The following GALNT5 variants were observed in gnomAD, a reference collection of about 807,000 sequenced individuals.
GALNT5 encodes the protein UDP-GalNAc:polypeptide N-acetylgalactosaminyltransferase 5.
A neutral mutation model predicts 85.4 loss-of-function variants in GALNT5; 72 were observed. The observed-to-expected ratio is 0.84, with a 90% CI of 0.70 to 1.03. The LOEUF is 1.03. Among genes scored for constraint, GALNT5 ranks in the 50% least tolerant of loss-of-function variants. The pLI is 0.00. For missense variants in GALNT5, 1,137 were observed against 1,135.5 expected (o/e 1.00, Z -0.02); for synonymous variants, 404 against 397.0 (o/e 1.02, Z -0.21).
At chr2:157,298,484 A>C (rs570330426) in intron 5 of GALNT5, among the ~76,000 whole-genome samples, 1 of 152,284 alleles carries the variant, frequency 6.6e-6, no homozygotes, top group Non-Finnish European at 1.5e-5. Context: ...AATTCACCGC[A>C]GCCTTTCATT....
intron 1 of GALNT5, among the ~76,000 whole-genome samples, chr2:157,277,520 T>C (rs992551227): frequency 4.6e-5 from 7 of 152,240 alleles, no homozygotes; most frequent in African/African-American, 1.4e-4. Flanking sequence ...TGGGTGCATA[T>C]ATATTTAGGA....
rs753756817 is a variant in GALNT5 at position 157,301,009 on chromosome 2, A to G, written c.2439+10A>G. 2 of 1,589,720 alleles carry G rather than the reference A, an allele frequency of 1.3e-6. No individual in the cohort carries two copies. Among genetic ancestry groups the G allele is most frequent in the Non-Finnish European group, 1.7e-6 (2 of 1,163,858 alleles). The stretch of plus-strand genomic sequence containing the variant: ...GAGAGCTAGTGGTGTGGTAAGTTCA[A>G]GTGGCAATTTAAAATCTTACTCCAT... On this transcript the variant is annotated intron_variant, in intron 7 of 9. Coordinates refer to ENST00000259056, the MANE Select transcript of GALNT5 (RefSeq NM_014568.3).
rs1254112431 is a variant in GALNT5 at position 157,317,196 on chromosome 2, ATAT to A, written c.*5850_*5852del. ...TGTGTATATATATATATATATATAT[ATAT>A]TTTTTTTTTTGATGCTTTGATCTGG... On this transcript the variant is annotated 3_prime_UTR_variant, in exon 10 of 10. Transcript: ENST00000259056. Among the ~76,000 whole-genome samples the A allele has an allele frequency of 1.1e-4, 14 of 132,562 alleles. No individual in the cohort carries two copies. Among genetic ancestry groups the A allele is most frequent in the African/African-American group, 3.6e-4 (11 of 30,974 alleles). The allele number at this position is 132,562 out of a possible 152,430, so 87.0% of individuals were successfully genotyped here.
At position 157,273,873 on chromosome 2, in the gene GALNT5, G is replaced by A. The variant is rs183235333; in HGVS notation, c.1455-10409G>A. ...ATAATATACTTTAAACCTGCCCAAT[G>A]TGCAGGTTTGATACATAGGTATACA... On this transcript the variant is annotated intron_variant, in intron 1 of 9. Transcript: ENST00000259056. Among the ~76,000 whole-genome samples the A allele has an allele frequency of 3.5e-3, 529 of 151,824 alleles. 1 individual carries two copies. Among genetic ancestry groups the A allele is most frequent in the African/African-American group, 0.012 (492 of 41,366 alleles).
In GALNT5 at chr2:157,313,268, A is replaced by G. The variant is rs1683616241; in HGVS notation, c.*1920A>G. The G allele has an allele frequency of 6.6e-6, 1 of 152,212 alleles. No homozygotes were observed. Among genetic ancestry groups the G allele is most frequent in the South Asian group, 2.1e-4 (1 of 4,832 alleles). 9.4% of individuals were successfully genotyped at this position (152,212 alleles called of 1,614,324 possible). ...GATGTTACAATAGCCTACAGTGTTC[A>G]ATACAGTAACATGCACAAGTTTGTA... On this transcript the variant is annotated 3_prime_UTR_variant, in exon 10 of 10. Transcript: ENST00000259056.
chr2:157,258,241 G>A lies in GALNT5; in HGVS notation c.159G>A (p.Glu53=). 1 of 1,612,904 alleles carries A rather than the reference G, an allele frequency of 6.2e-7. No homozygotes were observed. Among genetic ancestry groups the A allele is most frequent in the Non-Finnish European group, 8.5e-7 (1 of 1,179,562 alleles). Residue 53 remains glutamate (E), a synonymous_variant, in exon 1 of 10, where the codon GAG becomes GAA. Transcript: ENST00000259056. ...RVIKEDIVRR[E]RIGFRVQPDQ... The stretch of plus-strand genomic sequence containing the variant: ...TCAAGGAAGACATTGTGAGGAGGGA[G>A]CGGATAGGATTCAGAGTTCAGCCAG...
Position 157,300,722 on chromosome 2 carries a change from T to C in GALNT5, c.2162T>C (p.Val721Ala). ...ATTGAGATCATTCCCTGCTCCCGAG[T>C]GGGCCATATATTCAGAAATGACAAT... ...GEIEIIPCSR[V>A]GHIFRNDNPY... The change falls in exon 7 of 10, where the codon GTG becomes GCG. Residue 721 changes from valine (V) to alanine (A), a missense_variant. By Grantham distance (64) the Val-to-Ala change is moderately conservative. Coordinates refer to ENST00000259056, the MANE Select transcript of GALNT5 (RefSeq NM_014568.3). 6.2e-7 allele frequency: 1 copy of C among 1,613,894 alleles called. No homozygotes were observed. The highest frequency in any genetic ancestry group is 8.5e-7 in the Non-Finnish European group (1 of 1,179,846).
chr2:157,294,398 A>C (rs1683164284), intron 3 of GALNT5, among the ~76,000 whole-genome samples: 1 of 152,220 alleles, frequency 6.6e-6, no homozygotes, highest in African/African-American at 2.4e-5. Flanking sequence ...CCAGAGTAAG[A>C]AAGCGAAAGG....
rs1683632801 is a variant in GALNT5, at chr2:157,313,835, C to G, written c.*2487C>G. On this transcript the variant is annotated 3_prime_UTR_variant, in exon 10 of 10. Coordinates refer to ENST00000259056, the MANE Select transcript of GALNT5 (RefSeq NM_014568.3). ...AAAGCTATATTTAAATCTATATTGT[C>G]AATATAACAAAGGATTGTTTTTGAA... is the stretch of plus-strand genomic sequence containing the variant. 6.6e-6 allele frequency: 1 copy of G among 152,076 alleles called. No homozygotes were observed. Among genetic ancestry groups the G allele is most frequent in the Non-Finnish European group, 1.5e-5 (1 of 68,018 alleles). 9.4% of individuals were successfully genotyped at this position (152,076 alleles called of 1,614,324 possible).
At chr2:157,265,347 C>T (rs778736203) in intron 1 of GALNT5, among the ~76,000 whole-genome samples, 16 of 152,100 alleles carry the variant, frequency 1.1e-4, no homozygotes, top group Non-Finnish European at 2.2e-4. Flanking sequence ...AAGGGAATAA[C>T]AAAGACAACA....
chr2:157,277,891 T>G (rs1204101095), intron 1 of GALNT5, among the ~76,000 whole-genome samples: 1 of 152,228 alleles, frequency 6.6e-6, no homozygotes, highest in Admixed American at 6.5e-5. Context: ...GTTTGCCCAT[T>G]AATTGATGCA....
At chr2:157,267,647 A>G (rs560546439) in intron 1 of GALNT5, among the ~76,000 whole-genome samples, 1 of 152,194 alleles carries the variant, frequency 6.6e-6, no homozygotes, top group African/African-American at 2.4e-5. Context: ...TCACTGTGAC[A>G]GCTTCCTGCT....
intron 3 of GALNT5, among the ~76,000 whole-genome samples, chr2:157,294,572 AG>A (rs1391396116): frequency 6.6e-6 from 1 of 152,162 alleles, no homozygotes; most frequent in East Asian, 1.9e-4. Context: ...AGCCGAGTGG[AG>A]GGTCTGAGAC....
At chr2:157,286,665 G>A (rs562693275) in intron 3 of GALNT5, among the ~76,000 whole-genome samples, 8 of 151,948 alleles carry the variant, frequency 5.3e-5, no homozygotes, top group African/African-American at 1.9e-4. Flanking sequence ...CACCATGCCC[G>A]GCTAATTTTT....
At chr2:157,304,439 G>T (rs1196223989) in intron 7 of GALNT5, among the ~76,000 whole-genome samples, 4 of 152,170 alleles carry the variant, frequency 2.6e-5, no homozygotes, top group African/African-American at 9.7e-5. Context: ...GTCTGTGATG[G>T]TTCCTATCCA....
chr2:157,307,982 AC>A (rs1683489395), intron 8 of GALNT5, among the ~76,000 whole-genome samples: 1 of 152,188 alleles, frequency 6.6e-6, no homozygotes, highest in South Asian at 2.1e-4. Flanking sequence ...GGGGATGCCA[AC>A]CTGGTAGCAA....
intron 1 of GALNT5, among the ~76,000 whole-genome samples, chr2:157,270,099 CT>C (rs1682549320): frequency 6.6e-6 from 1 of 152,104 alleles, no homozygotes; most frequent in African/African-American, 2.4e-5. Context: ...TTCACTCAGG[CT>C]ATTAAACTCC....
intron 1 of GALNT5, among the ~76,000 whole-genome samples, chr2:157,282,726 C>G (rs1682882317): frequency 1.4e-5 from 2 of 143,066 alleles, no homozygotes; most frequent in Admixed American, 1.3e-4. Context: ...TTCCAAAGCC[C>G]ATTCTACAAA....
At chr2:157,288,555 T>C (rs2105147536) in intron 3 of GALNT5, among the ~76,000 whole-genome samples, 1 of 152,354 alleles carries the variant, frequency 6.6e-6, no homozygotes, top group East Asian at 1.9e-4. Context: ...AAGTTCATTT[T>C]GACTCATGGG....
Sources: gnomAD v4.1 joint callset for allele counts (sites outside exome capture counted in the v4.1 genomes callset) on GRCh38, gnomAD v4.1.1 for gene constraint, MANE v1.5 for transcripts, NCBI Gene and HGNC (gene_info 2026-07-23, HGNC 2026-07-21) for gene names.